The following ERN1 variants were observed in gnomAD, a reference collection of about 807,000 sequenced individuals.
ERN1 encodes the protein endoplasmic reticulum to nucleus signaling 1.
ERN1 carries 39 observed loss-of-function variants against 113.1 expected under a neutral mutation model. That is an observed-to-expected ratio of 0.34 (90% CI 0.27 to 0.45). ERN1 has a LOEUF of 0.45. ERN1 is among the 20% of genes least tolerant of loss of function. The probability of loss-of-function intolerance (pLI) is 1.00; values close to 1 mark genes in which losing one functional copy is unlikely to be tolerated. For missense variants in ERN1, 976 were observed against 1,274.8 expected, an observed-to-expected ratio of 0.77 and a Z score of 3.57; for synonymous variants, 507 against 515.9, an observed-to-expected ratio of 0.98 and a Z score of 0.23.
chr17:64,050,697 C>T (rs1458693334), intron 17 of ERN1, among the ~76,000 whole-genome samples: 1 of 152,174 alleles, frequency 6.6e-6, no homozygotes, highest in Non-Finnish European at 1.5e-5. Flanking sequence ...AAAATGAGGA[C>T]TCCAGTCAGT....
intron 2 of ERN1, among the ~76,000 whole-genome samples, chr17:64,090,736 TG>T: frequency 6.6e-6 from 1 of 152,254 alleles, no homozygotes; most frequent in Middle Eastern, 3.4e-3. Context: ...AAATGAGAAA[TG>T]CATTACTTTG....
chr17:64,098,533 T>C (rs1025580817), intron 1 of ERN1: 8 of 610,150 alleles, frequency 1.3e-5, no homozygotes. Flanking sequence ...GGGCAAAGTA[T>C]GCTCAGCTTT....
chr17:64,114,516 T>G (rs1356743568), intron 1 of ERN1, among the ~76,000 whole-genome samples: 1 of 152,120 alleles, frequency 6.6e-6, no homozygotes, highest in Admixed American at 6.5e-5. Context: ...TTTGTTGTGT[T>G]TGAGGACCCG....
chr17:64,059,054 G>A (rs533260699), intron 11 of ERN1, among the ~76,000 whole-genome samples: 4 of 152,166 alleles, frequency 2.6e-5, no homozygotes, highest in Non-Finnish European at 4.4e-5. Flanking sequence ...GATTTGACAC[G>A]TGGCTACCTC....
At chr17:64,047,204 C>T (rs1912539015) in intron 19 of ERN1, among the ~76,000 whole-genome samples, 1 of 151,988 alleles carries the variant, frequency 6.6e-6, no homozygotes, top group Admixed American at 6.6e-5. Flanking sequence ...ACTAAAAATA[C>T]AAAAAAACTT....
At chr17:64,101,647 G>C (rs1045262800) in intron 1 of ERN1, among the ~76,000 whole-genome samples, 1 of 152,120 alleles carries the variant, frequency 6.6e-6, no homozygotes, top group Admixed American at 6.6e-5. Context: ...TCCACCTCAG[G>C]ATAGTAGGCA....
intron 2 of ERN1, among the ~76,000 whole-genome samples, chr17:64,085,921 A>G (rs1913909580): frequency 6.6e-6 from 1 of 152,178 alleles, no homozygotes; most frequent in Non-Finnish European, 1.5e-5. Context: ...CTTCTGTGTC[A>G]TAGGGGATAT....
At chr17:64,085,959 A>G (rs1025412703) in intron 2 of ERN1, among the ~76,000 whole-genome samples, 1 of 152,108 alleles carries the variant, frequency 6.6e-6, no homozygotes, top group Non-Finnish European at 1.5e-5. Flanking sequence ...GCTTGCTGAA[A>G]CTTCCTACCC....
rs549075899 is a variant in ERN1 at position 64,066,820 on chromosome 17, G to A, written c.693C>T (p.Val231=). Reference sequence around the variant, plus strand: ...CCTTCCTCAGACCCTCCCGCTGCCAGACATAAAAGGCCACCACAGGGGAGG... The same window carrying A: ...CCTTCCTCAGACCCTCCCGCTGCCAAACATAAAAGGCCACCACAGGGGAGG... ...NYASPVVAFY[V]WQREGLRKVM... is the part of the protein sequence containing the mutation. The change falls in exon 8 of 22, where the codon GTC becomes GTT. Residue 231 remains valine, a synonymous_variant. Coordinates refer to ENST00000433197, the MANE Select transcript of ERN1 (RefSeq NM_001433.5). 4.3e-6 allele frequency: 7 copies of A among 1,613,990 alleles called. No homozygotes were observed. In the South Asian group the frequency reaches 7.7e-5, roughly 18 times the overall value.
chr17:64,068,333 C>G (rs779340518), intron 6 of ERN1, 42 bp from the exon 7 acceptor site: 2 of 1,358,518 alleles, frequency 1.5e-6, no homozygotes, highest in Non-Finnish European at 2.1e-6. Context: ...ACGGAGGGGC[C>G]ATAGTACCTA....
In ERN1 at chr17:64,040,524, G is replaced by T. The variant is rs1316350766; in HGVS notation, c.*3464C>A. On this transcript the variant is annotated 3_prime_UTR_variant, in exon 22 of 22. Coordinates refer to ENST00000433197, the MANE Select transcript of ERN1 (RefSeq NM_001433.5). ...CTGCAGCAAGAAAAGAATTGCCAAA[G>T]ATAACTGAATCGCATGCACACAAAA... 6.6e-6 allele frequency: 1 copy of T among 152,272 alleles called. No homozygotes were observed. Among genetic ancestry groups the T allele is most frequent in the Non-Finnish European group, 1.5e-5 (1 of 68,088 alleles). 9.4% of individuals were successfully genotyped at this position (152,272 alleles called of 1,614,324 possible).
intron 2 of ERN1, among the ~76,000 whole-genome samples, chr17:64,096,220 C>T (rs530400047): frequency 1.1e-4 from 16 of 152,302 alleles, no homozygotes; most frequent in Non-Finnish European, 1.8e-4. Context: ...TATTTACAGC[C>T]GCTCCTTGTC....
At chr17:64,082,347 T>G (rs1054964283) in intron 2 of ERN1, among the ~76,000 whole-genome samples, 2 of 152,078 alleles carry the variant, frequency 1.3e-5, no homozygotes, top group Admixed American at 6.6e-5. Flanking sequence ...AACAGACTGA[T>G]GCAAGAGACA....
At chr17:64,064,595 C>T (rs1444763130) in intron 9 of ERN1, among the ~76,000 whole-genome samples, 1 of 152,196 alleles carries the variant, frequency 6.6e-6, no homozygotes, top group Non-Finnish European at 1.5e-5. Context: ...GCCCAAATCA[C>T]TGGGAAGACA....
chr17:64,128,010 T>TC (rs1915125678), intron 1 of ERN1, among the ~76,000 whole-genome samples: 1 of 151,556 alleles, frequency 6.6e-6, no homozygotes, highest in Non-Finnish European at 1.5e-5. Context: ...GACCTTTCTT[T>TC]TTTTTTTTTG....
At chr17:64,075,085 T>A in intron 5 of ERN1, 90 bp downstream of exon 5, 2 of 1,074,046 alleles carry the variant, frequency 1.9e-6, no homozygotes, top group Non-Finnish European at 2.8e-6. Context: ...GGCAAGGCGG[T>A]GACTGCGCCC....
At position 64,058,548 on chromosome 17, in the gene ERN1, C is replaced by G. The variant is rs79433404; in HGVS notation, c.1207-555G>C. Reference sequence around the variant, plus strand: ...CTATTTCTTCAAAGTTTTTAAGAAGCATCAGAAGCGTTTGTTAAAGAAAAT... The same window carrying G: ...CTATTTCTTCAAAGTTTTTAAGAAGGATCAGAAGCGTTTGTTAAAGAAAAT... On this transcript the variant is annotated intron_variant, in intron 11 of 21. Coordinates refer to ENST00000433197, the MANE Select transcript of ERN1 (RefSeq NM_001433.5). 4.5e-3 allele frequency among the ~76,000 whole-genome samples: 679 copies of G among 152,236 alleles called. 2 individuals are homozygous for G. The highest frequency in any genetic ancestry group is 0.016 in the African/African-American group (648 of 41,544).
chr17:64,057,654 C>T, intron 12 of ERN1, 148 bp downstream of exon 12: 1 of 777,800 alleles, frequency 1.3e-6, no homozygotes, highest in South Asian at 1.7e-5. Context: ...AGGCGTGAGC[C>T]ACTGTGCCCG....
intron 6 of ERN1, among the ~76,000 whole-genome samples, chr17:64,068,844 C>A (rs1913321533): frequency 6.6e-6 from 1 of 152,118 alleles, no homozygotes; most frequent in African/African-American, 2.4e-5. Flanking sequence ...ACTTGGAAGA[C>A]AGAAAAAGTA....
Sources: gnomAD v4.1 joint callset for allele counts (sites outside exome capture counted in the v4.1 genomes callset) on GRCh38, gnomAD v4.1.1 for gene constraint, MANE v1.5 for transcripts, NCBI Gene and HGNC (gene_info 2026-07-23, HGNC 2026-07-21) for gene names.